The following SLC15A5 variants were observed in gnomAD, a reference collection of about 807,000 sequenced individuals.
SLC15A5 encodes the protein Peptide/histidine transporter ENSP00000340402.
SLC15A5 carries 58 observed loss-of-function variants against 56.1 expected under a neutral mutation model. That is an observed-to-expected ratio of 1.03 (90% CI 0.84 to 1.29). The LOEUF is 1.29. Among genes scored for constraint, SLC15A5 ranks in the 50% most tolerant of loss-of-function variants. The pLI, the probability that SLC15A5 is intolerant of heterozygous loss-of-function variation, is 0.00. For synonymous variants in SLC15A5, 264 were observed against 250.5 expected (o/e 1.05, Z -0.51); for missense variants, 681 against 672.1 (o/e 1.01, Z -0.15).
chr12:16,263,320 T>C (rs1864660723), intron 2 of SLC15A5, among the ~76,000 whole-genome samples: 2 of 152,092 alleles, frequency 1.3e-5, no homozygotes, highest in African/African-American at 4.8e-5. Flanking sequence ...GCCCTAGAGA[T>C]TTGTGGAACT....
chr12:16,200,154 C>G (rs969815661), intron 7 of SLC15A5, among the ~76,000 whole-genome samples: 10 of 150,962 alleles, frequency 6.6e-5, no homozygotes, highest in African/African-American at 2.4e-4. Flanking sequence ...CAGGAAACAC[C>G]CTGAACACAG....
intron 2 of SLC15A5, among the ~76,000 whole-genome samples, chr12:16,260,105 A>G (rs1383578207): frequency 6.6e-6 from 1 of 152,206 alleles, no homozygotes; most frequent in East Asian, 1.9e-4. Flanking sequence ...TGTTTTTAAT[A>G]GTGTTTGGCT....
chr12:16,199,117 C>T (rs1356822948), intron 7 of SLC15A5, among the ~76,000 whole-genome samples: 2 of 151,904 alleles, frequency 1.3e-5, no homozygotes, highest in African/African-American at 2.4e-5. Context: ...CACATTTAGC[C>T]GACAGGAACC....
chr12:16,256,451 A>C (rs1314585826), intron 3 of SLC15A5, among the ~76,000 whole-genome samples: 1 of 152,226 alleles, frequency 6.6e-6, no homozygotes, highest in Non-Finnish European at 1.5e-5. Flanking sequence ...GCGAGTATCT[A>C]GGTCTGTTAG....
chr12:16,261,012 A>G (rs928011932), intron 2 of SLC15A5, among the ~76,000 whole-genome samples: 3 of 152,002 alleles, frequency 2.0e-5, no homozygotes, highest in African/African-American at 7.2e-5. Context: ...CCTTATGCCA[A>G]TACCATACTG....
At chr12:16,211,890 A>G (rs1864084666) in intron 7 of SLC15A5, among the ~76,000 whole-genome samples, 1 of 152,116 alleles carries the variant, frequency 6.6e-6, no homozygotes, top group Admixed American at 6.6e-5. Context: ...AATCTTTTGA[A>G]TTTACCGCAT....
intron 3 of SLC15A5, among the ~76,000 whole-genome samples, chr12:16,249,083 C>T (rs1864494643): frequency 6.6e-6 from 1 of 151,850 alleles, no homozygotes; most frequent in African/African-American, 2.4e-5. Context: ...AATATCTATG[C>T]TACTTAATTA....
rs1240947523 is a variant in SLC15A5, at chr12:16,188,769, A to G, written c.*899T>C. ...ATTCACCTGTAGCAAGTTGTCCTCA[A>G]CCAAATGTTGACAAATACTGCTACT... On this transcript the variant is annotated 3_prime_UTR_variant, in exon 9 of 9. Coordinates refer to ENST00000344941, the MANE Select transcript of SLC15A5 (RefSeq NM_001170798.1). 1 of 152,228 alleles carries G rather than the reference A, an allele frequency of 6.6e-6. No homozygotes were observed. The highest frequency in any genetic ancestry group is 1.5e-5 in the Non-Finnish European group (1 of 68,020). 9.4% of individuals were successfully genotyped at this position (152,228 alleles called of 1,614,324 possible).
rs1863896015 is a variant in SLC15A5 at position 16,196,500 on chromosome 12, A to G, written c.1484-2047T>C. ...TCAAGATAAGGTGCAATAACATCCT[A>G]CTTATTTTCAGGAAGAACTAAACCA... is the stretch of plus-strand genomic sequence containing the variant. On this transcript the variant is annotated intron_variant, in intron 7 of 8. Transcript: ENST00000344941. This position sits in a 1 kb window ranked among gnomAD's most constrained non-coding sequence, Gnocchi z 4.0. 6.6e-6 allele frequency among the ~76,000 whole-genome samples: 1 copy of G among 152,050 alleles called. No individual in the cohort carries two copies. Among genetic ancestry groups the G allele is most frequent in the Admixed American group, 6.6e-5 (1 of 15,248 alleles).
chr12:16,261,989 A>G (rs1197868773), intron 2 of SLC15A5, among the ~76,000 whole-genome samples: 2 of 152,196 alleles, frequency 1.3e-5, no homozygotes, highest in Admixed American at 1.3e-4. Flanking sequence ...CTTAATTGTG[A>G]TGAAGTCCTA....
At chr12:16,230,600 A>G (rs532886926) in intron 5 of SLC15A5, among the ~76,000 whole-genome samples, 12 of 152,196 alleles carry the variant, frequency 7.9e-5, no homozygotes, top group Admixed American at 2.0e-4. Context: ...GCACTTGAGT[A>G]TTTTTTATTT....
chr12:16,238,895 G>A (rs61915930), intron 5 of SLC15A5, among the ~76,000 whole-genome samples: 4,558 of 152,192 alleles, frequency 0.03, 86 homozygotes, highest in Admixed American at 0.04. Flanking sequence ...TACGTTCTGG[G>A]CACTGATGTC....
intron 2 of SLC15A5, among the ~76,000 whole-genome samples, chr12:16,258,990 C>CTTTTTTTTTTTTTTTT (rs35905307): frequency 2.5e-5 from 3 of 118,508 alleles, no homozygotes; most frequent in East Asian, 2.6e-4. Context: ...TCTTCTTTTT[C>CTTTTTTTTTTTTTTTT]TTTTTTTTTT....
At chr12:16,213,882 A>G (rs1458385336) in intron 7 of SLC15A5, among the ~76,000 whole-genome samples, 3 of 152,056 alleles carry the variant, frequency 2.0e-5, no homozygotes, top group Admixed American at 2.0e-4. Context: ...TTGTTTCTCT[A>G]CCTTTGTACT....
chr12:16,211,866 G>T (rs1438211743), intron 7 of SLC15A5, among the ~76,000 whole-genome samples: 1 of 152,186 alleles, frequency 6.6e-6, no homozygotes, highest in Non-Finnish European at 1.5e-5. Flanking sequence ...TGTCTGCACA[G>T]TCAAGTTTTG....
intron 6 of SLC15A5, among the ~76,000 whole-genome samples, chr12:16,219,594 C>A (rs1864166526): frequency 6.6e-6 from 1 of 152,134 alleles, no homozygotes; most frequent in African/African-American, 2.4e-5. Context: ...ACTTTGCCAG[C>A]TCTCTGCCTG....
intron 8 of SLC15A5, among the ~76,000 whole-genome samples, chr12:16,193,463 C>T (rs1863858308): frequency 6.6e-6 from 1 of 151,954 alleles, no homozygotes; most frequent in African/African-American, 2.4e-5. Context: ...TGGTTTATGA[C>T]ACCACCTATC....
At chr12:16,239,545 A>C in intron 5 of SLC15A5, 136 bp downstream of exon 5, 2 of 809,728 alleles carry the variant, frequency 2.5e-6, no homozygotes, top group Non-Finnish European at 3.8e-6. Flanking sequence ...GGGTGTTATC[A>C]GTCACAAATT....
intron 7 of SLC15A5, among the ~76,000 whole-genome samples, chr12:16,205,524 G>A (rs3933183): frequency 0.55 from 63,409 of 116,314 alleles, 17,120 homozygotes; most frequent in South Asian, 0.73. Flanking sequence ...CCATAAGAAG[G>A]GAAAGGTGCA....
Sources: allele counts gnomAD v4.1 joint callset (sites outside exome capture counted in the v4.1 genomes callset), GRCh38; gene constraint gnomAD v4.1.1; non-coding constraint Gnocchi (gnomAD v3.1); transcripts MANE v1.5; gene names NCBI Gene and HGNC (gene_info 2026-07-23, HGNC 2026-07-21).